Variants in PPP2R3A observed in about 807,000 individuals in gnomAD.
The protein encoded by PPP2R3A is protein phosphatase 2 regulatory subunit B''alpha.
A neutral mutation model predicts 106.9 loss-of-function variants in PPP2R3A; 80 were observed. The observed-to-expected ratio is 0.75, with a 90% CI of 0.62 to 0.90. The LOEUF (loss-of-function observed/expected upper bound fraction) is 0.90, where lower values mean the gene tolerates loss of function less well. PPP2R3A is among the 40% of genes least tolerant of loss of function. PPP2R3A has a pLI of 0.00. For synonymous variants in PPP2R3A, 483 were observed against 468.3 expected (o/e 1.03, Z -0.41); for missense variants, 1,386 against 1,350.4 (o/e 1.03, Z -0.41).
intron 5 of PPP2R3A, among the ~76,000 whole-genome samples, chr3:136,049,642 C>T (rs947464014): frequency 6.6e-6 from 1 of 152,144 alleles, no homozygotes; most frequent in Non-Finnish European, 1.5e-5. Context: ...GCCACTCATC[C>T]TCCCCCTTGC....
chr3:136,003,405 A>G lies in PPP2R3A; in HGVS notation c.1907A>G (p.Asn636Ser), dbSNP rs749064509. Residue 636 changes from asparagine to serine, a missense_variant, in exon 2 of 14, where the codon AAT becomes AGT. Physicochemically the swap from Asn to Ser is conservative, Grantham distance 46. Coordinates refer to ENST00000264977, the MANE Select transcript of PPP2R3A (RefSeq NM_002718.5). ...ACCTTGACAACTTCCTCCCAGGCCAATTTATCAGTCTGTAGAAGTCCTGTT... is the reference window on the plus strand; with the variant it reads ...ACCTTGACAACTTCCTCCCAGGCCAGTTTATCAGTCTGTAGAAGTCCTGTT... ...QETLTTSSQA[N>S]LSVCRSPVGD... 2.5e-6 allele frequency: 4 copies of G among 1,613,876 alleles called. No individual in the cohort carries two copies. The highest frequency in any genetic ancestry group is 2.2e-5 in the East Asian group (1 of 44,886).
chr3:136,141,053 A>T (rs1290942165), intron 13 of PPP2R3A, among the ~76,000 whole-genome samples: 1 of 152,380 alleles, frequency 6.6e-6, no homozygotes, highest in East Asian at 1.9e-4. Flanking sequence ...TTGAGCACCT[A>T]GTGCCAATCA....
At chr3:136,057,916 C>T (rs114583275) in intron 5 of PPP2R3A, among the ~76,000 whole-genome samples, 1,650 of 152,238 alleles carry the variant, frequency 0.011, 25 homozygotes, top group African/African-American at 0.033. Context: ...AAAAAGAGAA[C>T]TACCATATGA....
chr3:136,040,825 G>T (rs1254180602), intron 3 of PPP2R3A, 34 bp from the exon 4 acceptor site: 2 of 1,514,108 alleles, frequency 1.3e-6, no homozygotes, highest in African/African-American at 1.8e-5. Flanking sequence ...TTCATTCCCT[G>T]TTGGCTTACC....
In PPP2R3A at chr3:136,112,217, C is replaced by T. The variant is rs527993190; in HGVS notation, c.3329+5895C>T. Reference sequence around the variant, plus strand: ...AATGGGCAAAAGCTGGAAGCATTCCCCTTGAGACCCAGAAGAAGATAAATA... The same window carrying T: ...AATGGGCAAAAGCTGGAAGCATTCCTCTTGAGACCCAGAAGAAGATAAATA... On this transcript the variant is annotated intron_variant, in intron 13 of 13. Transcript: ENST00000264977. Among the ~76,000 whole-genome samples, 35 of 152,234 alleles carry T rather than the reference C, an allele frequency of 2.3e-4. No individual in the cohort carries two copies. The South Asian group carries it at 5.0e-3, about 22-fold the overall frequency.
At chr3:136,054,776 T>C (rs2107873407) in intron 5 of PPP2R3A, among the ~76,000 whole-genome samples, 1 of 152,328 alleles carries the variant, frequency 6.6e-6, no homozygotes, top group East Asian at 1.9e-4. Flanking sequence ...CTTAGGTAAA[T>C]GGTAAAGTAA....
intron 13 of PPP2R3A, among the ~76,000 whole-genome samples, chr3:136,131,796 A>G (rs1467648422): frequency 1.3e-5 from 2 of 152,216 alleles, no homozygotes; most frequent in East Asian, 3.8e-4. Context: ...GATTAAGAAA[A>G]TGTGGTACAT....
chr3:136,060,247 A>C (rs185823461), intron 5 of PPP2R3A, among the ~76,000 whole-genome samples: 266 of 152,356 alleles, frequency 1.7e-3, no homozygotes, highest in Admixed American at 3.7e-3. Context: ...CATTATGTTA[A>C]GTGAAGGAAG....
intron 1 of PPP2R3A, among the ~76,000 whole-genome samples, chr3:135,994,780 C>A (rs13097946): frequency 0.27 from 40,553 of 152,032 alleles, 5,773 homozygotes; most frequent in Non-Finnish European, 0.32. Flanking sequence ...CTAAACACAC[C>A]AGCCTTTTTC....
chr3:136,028,420 A>G (rs967452204), intron 3 of PPP2R3A, among the ~76,000 whole-genome samples: 2 of 152,240 alleles, frequency 1.3e-5, no homozygotes, highest in Non-Finnish European at 2.9e-5. Flanking sequence ...AACTCATTCC[A>G]GAAATAAGAG....
intron 13 of PPP2R3A, among the ~76,000 whole-genome samples, chr3:136,137,821 G>C (rs1328390745): frequency 6.6e-6 from 1 of 152,068 alleles, no homozygotes; most frequent in South Asian, 2.1e-4. Flanking sequence ...GATTACAGGC[G>C]TGAGCCACCG....
At chr3:136,021,627 G>A (rs4073308) in intron 2 of PPP2R3A, among the ~76,000 whole-genome samples, 38,554 of 151,954 alleles carry the variant, frequency 0.25, 5,355 homozygotes, top group Non-Finnish European at 0.32. Flanking sequence ...TTTTAATAAT[G>A]TTTGGTGTAT....
At chr3:136,099,195 A>C (rs1937294156) in intron 10 of PPP2R3A, among the ~76,000 whole-genome samples, 1 of 152,168 alleles carries the variant, frequency 6.6e-6, no homozygotes, top group Non-Finnish European at 1.5e-5. Context: ...CAAGGAAAAA[A>C]ACCAGCCCAT....
At chr3:136,112,337 G>A (rs1937605448) in intron 13 of PPP2R3A, among the ~76,000 whole-genome samples, 1 of 152,128 alleles carries the variant, frequency 6.6e-6, no homozygotes, top group South Asian at 2.1e-4. Flanking sequence ...TAGGAAGAGA[G>A]AAAGTCAAGC....
intron 13 of PPP2R3A, among the ~76,000 whole-genome samples, chr3:136,142,301 G>A (rs557051490): frequency 6.6e-6 from 1 of 152,280 alleles, no homozygotes; most frequent in East Asian, 1.9e-4. Flanking sequence ...CTAGATGCCA[G>A]TAGGACCCAC....
intron 1 of PPP2R3A, among the ~76,000 whole-genome samples, chr3:135,974,271 T>C (rs1404448125): frequency 6.6e-6 from 1 of 152,192 alleles, no homozygotes; most frequent in Non-Finnish European, 1.5e-5. Context: ...CCTTGGCATT[T>C]CAGTCAGTCT....
chr3:136,141,754 T>C lies in PPP2R3A; in HGVS notation c.3330-3289T>C, dbSNP rs1304661426. 4.6e-5 allele frequency among the ~76,000 whole-genome samples: 7 copies of C among 152,300 alleles called. No individual in the cohort carries two copies. The East Asian group carries it at 1.2e-3, about 25-fold the overall frequency. ...TATTCCAACACTATAAACAGCCTGG[T>C]ATGGCAGTAGCAAAGGATATGTGGC... On this transcript the variant is annotated intron_variant, in intron 13 of 13. Coordinates refer to ENST00000264977, the MANE Select transcript of PPP2R3A (RefSeq NM_002718.5).
chr3:136,060,071 C>T (rs953505186), intron 5 of PPP2R3A, among the ~76,000 whole-genome samples: 3 of 152,118 alleles, frequency 2.0e-5, no homozygotes, highest in East Asian at 1.9e-4. Context: ...ATCTGTACAA[C>T]CAAACCCTCT....
intron 3 of PPP2R3A, among the ~76,000 whole-genome samples, chr3:136,033,026 T>A (rs772086477): frequency 6.6e-6 from 1 of 152,198 alleles, no homozygotes; most frequent in Non-Finnish European, 1.5e-5. Flanking sequence ...CATAGATGGC[T>A]TTTATTACAT....
Sources: gnomAD v4.1 joint callset for allele counts (sites outside exome capture counted in the v4.1 genomes callset) on GRCh38, gnomAD v4.1.1 for gene constraint, MANE v1.5 for transcripts, NCBI Gene and HGNC (gene_info 2026-07-23, HGNC 2026-07-21) for gene names.